Variants in BRPF3 observed in about 807,000 individuals in gnomAD.
BRPF3 encodes the protein bromodomain and PHD finger containing 3.
In BRPF3, 18 loss-of-function variants were observed where a neutral mutation model predicts 102.0. The observed-to-expected ratio is 0.18, with a 90% CI of 0.12 to 0.26. The LOEUF (loss-of-function observed/expected upper bound fraction) is 0.26, where lower values mean the gene tolerates loss of function less well. Among genes scored for constraint, BRPF3 ranks in the 10% least tolerant of loss-of-function variants. The pLI is 1.00. For missense variants in BRPF3, 1,147 were observed against 1,567.8 expected, an observed-to-expected ratio of 0.73 and a Z score of 4.53; for synonymous variants, 570 against 614.2, an observed-to-expected ratio of 0.93 and a Z score of 1.06.
chr6:36,217,197 T>C (rs1768359809), intron 8 of BRPF3, among the ~76,000 whole-genome samples: 1 of 152,144 alleles, frequency 6.6e-6, no homozygotes, highest in South Asian at 2.1e-4. Context: ...AGTAAGGTAT[T>C]ATCTTCACTT....
chr6:36,230,298 C>T lies in BRPF3; in HGVS notation c.3435-128C>T. The T allele has an allele frequency of 1.2e-6, 1 of 813,326 alleles. No homozygotes were observed. Among genetic ancestry groups the T allele is most frequent in the Non-Finnish European group, 2.0e-6 (1 of 509,326 alleles). 50.4% of individuals were successfully genotyped at this position (813,326 alleles called of 1,614,324 possible). ...TTGGTGGCCTCCTGCATGGAGTCCCCCAATTTGCTTCCCTCTGCCCTGTAC... is the reference window on the plus strand; with the variant it reads ...TTGGTGGCCTCCTGCATGGAGTCCCTCAATTTGCTTCCCTCTGCCCTGTAC... On this transcript the variant is annotated intron_variant, in intron 12 of 12. Transcript: ENST00000357641. The surrounding 1 kb of genome is among the most constrained non-coding windows in gnomAD (Gnocchi z 5.4).
chr6:36,199,200 G>A (rs774430310), intron 1 of BRPF3, among the ~76,000 whole-genome samples: 7 of 152,176 alleles, frequency 4.6e-5, no homozygotes, highest in Non-Finnish European at 8.8e-5. Flanking sequence ...CCTGAGCTCT[G>A]CCTCCTGTCA....
At chr6:36,213,774 T>C in intron 7 of BRPF3, 106 bp from the exon 8 acceptor site, 4 of 1,206,396 alleles carry the variant, frequency 3.3e-6, no homozygotes, top group Non-Finnish European at 4.7e-6. Context: ...ATCTCAAGCC[T>C]TATAACAGCC....
rs1767508205 is a variant in BRPF3 at position 36,196,847 on chromosome 6, G to T, written c.-150G>T. Reference sequence around the variant, plus strand: ...AGCGCGGGCCGGGAGGGGGCACGGCGGAGGCCACGGAGGCAGGCGCGGGAG... The same window carrying T: ...AGCGCGGGCCGGGAGGGGGCACGGCTGAGGCCACGGAGGCAGGCGCGGGAG... On this transcript the variant is annotated 5_prime_UTR_variant, in exon 1 of 13. Transcript: ENST00000357641. 1 of 151,654 alleles carries T rather than the reference G, an allele frequency of 6.6e-6. No individual in the cohort carries two copies. Among genetic ancestry groups the T allele is most frequent in the Non-Finnish European group, 1.5e-5 (1 of 67,712 alleles). 9.4% of individuals were successfully genotyped at this position (151,654 alleles called of 1,614,324 possible). A position where few individuals can be genotyped will look rare whatever the true frequency, so the allele number is the denominator to read the frequency against.
At position 36,213,972 on chromosome 6, in the gene BRPF3, C is replaced by G. The variant is rs1768227819; in HGVS notation, c.2575C>G (p.Leu859Val). Residue 859 changes from leucine to valine, a missense_variant, in exon 8 of 13, where the codon CTG (leucine) becomes GTG (valine). By Grantham distance (32) the Leu-to-Val change is conservative. Coordinates refer to ENST00000357641, the MANE Select transcript of BRPF3 (RefSeq NM_015695.3). ...AGAATCCCCCCCGGAGCCCCCTACT[C>G]TGAAACCCATTAATGATAGCAAACC... Reference protein sequence around the residue: ...EQESPPEPPTLKPINDSKPPS... With the variant: ...EQESPPEPPTVKPINDSKPPS... 1 of 1,613,928 alleles carries G rather than the reference C, an allele frequency of 6.2e-7. No homozygotes were observed. The highest frequency in any genetic ancestry group is 1.3e-5 in the African/African-American group (1 of 74,880).
chr6:36,228,095 G>A (rs1347584823), intron 11 of BRPF3, among the ~76,000 whole-genome samples: 3 of 152,198 alleles, frequency 2.0e-5, no homozygotes, highest in Non-Finnish European at 4.4e-5. Context: ...TAGTACCAAT[G>A]TGGTTTTAGC....
chr6:36,205,357 GTTCTA>G (rs1767868676), intron 3 of BRPF3, among the ~76,000 whole-genome samples: 1 of 152,092 alleles, frequency 6.6e-6, no homozygotes, highest in African/African-American at 2.4e-5. Flanking sequence ...CCCTTTACCT[GTTCTA>G]TTCTTTCTGT....
chr6:36,201,419 G>A lies in BRPF3; in HGVS notation c.1097G>A (p.Arg366His), dbSNP rs753198591. 2.0e-5 allele frequency: 32 copies of A among 1,614,058 alleles called. No individual in the cohort carries two copies. Among genetic ancestry groups the A allele is most frequent in the Admixed American group, 3.3e-5 (2 of 60,008 alleles). The change falls in exon 2 of 13, where the codon CGC (arginine) becomes CAC (histidine). Residue 366 changes from arginine to histidine, a missense_variant. Physicochemically the swap from Arg to His is conservative, Grantham distance 29. Transcript: ENST00000357641. This position sits in a 1 kb window ranked among gnomAD's most constrained non-coding sequence, Gnocchi z 5.1. Reference sequence around the variant, plus strand: ...CTCTTCATGAAGATTGAGCCCATGCGCGAAACCAGCCTCAATGGCACCATC... The same window carrying A: ...CTCTTCATGAAGATTGAGCCCATGCACGAAACCAGCCTCAATGGCACCATC... ...AGLFMKIEPM[R>H]ETSLNGTIFT...
At position 36,210,296 on chromosome 6, in the gene BRPF3, C is replaced by T. The variant is rs1332152665; in HGVS notation, c.1947C>T (p.Arg649=). Residue 649 remains arginine, a synonymous_variant, in exon 6 of 13, where the codon CGC becomes CGT. Coordinates refer to ENST00000357641, the MANE Select transcript of BRPF3 (RefSeq NM_015695.3). This position sits in a 1 kb window ranked among gnomAD's most constrained non-coding sequence, Gnocchi z 4.7. ...MRRKLESHLY[R]TLEEFEEDFN... Reference sequence around the variant, plus strand: ...GGAAGCTGGAGTCCCACCTGTACCGCACCTTGGAGGAGTTTGAGGAGGACT... The same window carrying T: ...GGAAGCTGGAGTCCCACCTGTACCGTACCTTGGAGGAGTTTGAGGAGGACT... The T allele has an allele frequency of 3.7e-6, 6 of 1,614,222 alleles. No individual in the cohort carries two copies. The highest frequency in any genetic ancestry group is 5.1e-6 in the Non-Finnish European group (6 of 1,180,036).
intron 8 of BRPF3, among the ~76,000 whole-genome samples, chr6:36,215,701 T>G (rs147539936): frequency 1.1e-3 from 173 of 152,208 alleles, no homozygotes; most frequent in African/African-American, 3.8e-3. Context: ...CAGGCCTGGG[T>G]GTGTGGGAAC....
intron 10 of BRPF3, among the ~76,000 whole-genome samples, chr6:36,223,154 G>T (rs1461692412): frequency 2.6e-5 from 4 of 152,164 alleles, no homozygotes; most frequent in African/African-American, 9.7e-5. Context: ...TGCTATACAG[G>T]GGTGTGTGCT....
chr6:36,209,317 A>G (rs1319818867), intron 4 of BRPF3, among the ~76,000 whole-genome samples: 2 of 152,228 alleles, frequency 1.3e-5, no homozygotes, highest in Non-Finnish European at 2.9e-5. Flanking sequence ...CTGTAGAATC[A>G]CTGGGACTGA....
intron 4 of BRPF3, 73 bp from the exon 5 acceptor site, chr6:36,209,714 A>G (rs1323774347): frequency 1.9e-6 from 3 of 1,545,192 alleles, no homozygotes; most frequent in East Asian, 4.5e-5. Flanking sequence ...TAAAAGTCAA[A>G]CTATCAAGAA....
intron 9 of BRPF3, among the ~76,000 whole-genome samples, chr6:36,221,921 G>A (rs1250431182): frequency 6.6e-6 from 1 of 152,146 alleles, no homozygotes; most frequent in East Asian, 1.9e-4. Context: ...TCCTGAGCAG[G>A]GAACTGAGCA....
intron 9 of BRPF3, among the ~76,000 whole-genome samples, chr6:36,220,907 ACT>A: frequency 6.6e-6 from 1 of 151,946 alleles, no homozygotes. Context: ...GGAGTACCCT[ACT>A]CTCCAACCAG....
chr6:36,230,080 G>A lies in BRPF3; in HGVS notation c.3435-346G>A, dbSNP rs1483087523. Among the ~76,000 whole-genome samples the A allele has an allele frequency of 2.0e-5, 3 of 152,300 alleles. No individual in the cohort carries two copies. Among genetic ancestry groups the A allele is most frequent in the East Asian group, 3.9e-4 (2 of 5,166 alleles). On this transcript the variant is annotated intron_variant, in intron 12 of 12. Coordinates refer to ENST00000357641, the MANE Select transcript of BRPF3 (RefSeq NM_015695.3). The surrounding 1 kb of genome is among the most constrained non-coding windows in gnomAD (Gnocchi z 5.4). ...GCCCCCTAATTCTCCAACGCAAGGC[G>A]AGGCTCAGAGCCCTCCAGGGTGGCT...
chr6:36,205,981 CAT>C (rs1217328039), intron 3 of BRPF3, among the ~76,000 whole-genome samples: 1 of 152,176 alleles, frequency 6.6e-6, no homozygotes, highest in Non-Finnish European at 1.5e-5. Flanking sequence ...CTCCTGGACT[CAT>C]ATCAAAAGTT....
intron 2 of BRPF3, among the ~76,000 whole-genome samples, chr6:36,202,586 A>G (rs1484940263): frequency 6.6e-6 from 1 of 152,052 alleles, no homozygotes; most frequent in African/African-American, 2.4e-5. Context: ...TAAACAGTAT[A>G]CACTGTTAGA....
intron 8 of BRPF3, among the ~76,000 whole-genome samples, chr6:36,215,624 G>C (rs1315458747): frequency 6.6e-6 from 1 of 152,242 alleles, no homozygotes; most frequent in African/African-American, 2.4e-5. Flanking sequence ...AATTTGAGCT[G>C]TAGGAGTTGG....
Sources: gnomAD v4.1 joint callset for allele counts (sites outside exome capture counted in the v4.1 genomes callset) on GRCh38, gnomAD v4.1.1 for gene constraint, Gnocchi (gnomAD v3.1) non-coding constraint, MANE v1.5 for transcripts, NCBI Gene and HGNC (gene_info 2026-07-23, HGNC 2026-07-21) for gene names.